KCNIP4: variants seen among roughly 807,000 people sequenced by gnomAD.
The protein encoded by KCNIP4 is Kv channel-interacting protein 4.
A neutral mutation model predicts 34.0 loss-of-function variants in KCNIP4; 12 were observed. That is an observed-to-expected ratio of 0.35 (90% CI 0.23 to 0.57). The LOEUF (loss-of-function observed/expected upper bound fraction) is 0.57. Among genes scored for constraint, KCNIP4 ranks in the 20% least tolerant of loss-of-function variants. KCNIP4 has a pLI of 0.83. For missense variants in KCNIP4, 238 were observed against 311.7 expected (o/e 0.76, Z 1.78); for synonymous variants, 124 against 102.2 (o/e 1.21, Z -1.29).
At chr4:21,190,872 T>C (rs1755594185) in intron 1 of KCNIP4, among the ~76,000 whole-genome samples, 1 of 152,180 alleles carries the variant, frequency 6.6e-6, no homozygotes, top group African/African-American at 2.4e-5. Context: ...CTTTTATTTC[T>C]GAGTTTCAAA....
intron 3 of KCNIP4, among the ~76,000 whole-genome samples, chr4:20,833,808 C>A (rs1718720569): frequency 6.6e-6 from 1 of 152,144 alleles, no homozygotes. Context: ...ATTTTAGACT[C>A]CGTGCTCATT....
At chr4:21,215,123 A>G (rs1194464879) in intron 1 of KCNIP4, among the ~76,000 whole-genome samples, 1 of 152,274 alleles carries the variant, frequency 6.6e-6, no homozygotes, top group Middle Eastern at 3.4e-3. Flanking sequence ...TGATAACAGG[A>G]TATATTATCC....
intron 1 of KCNIP4, among the ~76,000 whole-genome samples, chr4:20,961,403 A>G (rs917092489): frequency 6.6e-6 from 1 of 152,160 alleles, no homozygotes; most frequent in African/African-American, 2.4e-5. Context: ...AGTTTAAAAG[A>G]ATCTTATGGT....
intron 1 of KCNIP4, among the ~76,000 whole-genome samples, chr4:21,348,773 T>C (rs1002900096): frequency 2.0e-5 from 3 of 152,154 alleles, no homozygotes; most frequent in African/African-American, 7.2e-5. Context: ...GCAACAATCC[T>C]AGAGACTTTT....
chr4:21,801,756 G>A (rs538150721), intron 1 of KCNIP4, among the ~76,000 whole-genome samples: 35 of 151,962 alleles, frequency 2.3e-4, no homozygotes, highest in Non-Finnish European at 3.4e-4. Flanking sequence ...CTACCAGCGC[G>A]TGCCACCATG....
chr4:21,597,104 C>T (rs1448873444), intron 1 of KCNIP4, among the ~76,000 whole-genome samples: 7 of 152,010 alleles, frequency 4.6e-5, no homozygotes, highest in Non-Finnish European at 1.5e-5. Context: ...GCTGTGTCCC[C>T]ACTCAAATCT....
At chr4:21,869,717 G>A (rs993272415) in intron 1 of KCNIP4, among the ~76,000 whole-genome samples, 1 of 150,492 alleles carries the variant, frequency 6.6e-6, no homozygotes, top group African/African-American at 2.5e-5. Flanking sequence ...CCGCCACATA[G>A]AGAGATAAGG....
At chr4:21,717,970 T>C (rs2109090023) in intron 1 of KCNIP4, among the ~76,000 whole-genome samples, 1 of 152,346 alleles carries the variant, frequency 6.6e-6, no homozygotes. Context: ...TCTGAATCTG[T>C]TCATTTCATG....
At chr4:21,946,235 T>A (rs1730505286) in intron 1 of KCNIP4, among the ~76,000 whole-genome samples, 1 of 151,944 alleles carries the variant, frequency 6.6e-6, no homozygotes, top group African/African-American at 2.4e-5. Context: ...GCACACAGAC[T>A]CACACTTCTC....
intron 1 of KCNIP4, among the ~76,000 whole-genome samples, chr4:21,519,757 A>ATGATACACACGTGTGTG (rs1560481180): frequency 1.6e-5 from 2 of 123,990 alleles, no homozygotes; most frequent in Non-Finnish European, 3.2e-5. Flanking sequence ...ACGTGTGTGT[A>ATGATACACACGTGTGTG]TGTATGTGTG....
chr4:21,296,408 C>T (rs903430150), intron 1 of KCNIP4, among the ~76,000 whole-genome samples: 1 of 144,956 alleles, frequency 6.9e-6, no homozygotes, highest in Non-Finnish European at 1.5e-5. Context: ...CTCTCTCTCT[C>T]TTTTTTTTTT....
chr4:21,289,215 G>T lies in KCNIP4; in HGVS notation c.62-406506C>A, dbSNP rs755385889. On this transcript the variant is annotated intron_variant, in intron 1 of 8. Coordinates refer to ENST00000382152, the MANE Select transcript of KCNIP4 (RefSeq NM_025221.6). ...TATATTTATTTGATATTTTGATACA[G>T]GCATATAATGTGTAATGATTCAATC... 1.6e-4 allele frequency among the ~76,000 whole-genome samples: 25 copies of T among 152,116 alleles called. 1 individual carries two copies. Among genetic ancestry groups the T allele is most frequent in the Non-Finnish European group, 5.9e-5 (4 of 68,016 alleles).
chr4:21,525,992 A>AT (rs561272334), intron 1 of KCNIP4, among the ~76,000 whole-genome samples: 1 of 151,966 alleles, frequency 6.6e-6, no homozygotes, highest in Non-Finnish European at 1.5e-5. Flanking sequence ...ACATTATCCA[A>AT]TTTTTTTTAA....
intron 1 of KCNIP4, among the ~76,000 whole-genome samples, chr4:21,590,831 CCTCT>C (rs1271961952): frequency 6.6e-6 from 1 of 151,654 alleles, no homozygotes; most frequent in African/African-American, 2.4e-5. Context: ...CAAAACTGAT[CCTCT>C]CTCTCTCTTA....
chr4:21,199,903 A>G (rs1182326732), intron 1 of KCNIP4, among the ~76,000 whole-genome samples: 1 of 152,144 alleles, frequency 6.6e-6, no homozygotes, highest in African/African-American at 2.4e-5. Flanking sequence ...GACATGGATG[A>G]AGCTGGAAAC....
intron 1 of KCNIP4, among the ~76,000 whole-genome samples, chr4:21,641,703 T>A (rs553188703): frequency 6.6e-6 from 1 of 152,290 alleles, no homozygotes; most frequent in African/African-American, 2.4e-5. Flanking sequence ...TAGGATGGCA[T>A]GTTCTGTGGA....
chr4:21,935,276 C>G (rs1264783537), intron 1 of KCNIP4, among the ~76,000 whole-genome samples: 1 of 152,072 alleles, frequency 6.6e-6, no homozygotes, highest in Non-Finnish European at 1.5e-5. Flanking sequence ...TGGAAACTCT[C>G]CCTTCTTTAA....
chr4:21,000,073 C>T (rs983452270), intron 1 of KCNIP4, among the ~76,000 whole-genome samples: 6 of 152,106 alleles, frequency 3.9e-5, no homozygotes, highest in African/African-American at 1.4e-4. Flanking sequence ...GCAGTGTAGA[C>T]CCTTCCTACG....
intron 1 of KCNIP4, among the ~76,000 whole-genome samples, chr4:21,618,054 A>G (rs1744723066): frequency 6.6e-6 from 1 of 152,210 alleles, no homozygotes; most frequent in Non-Finnish European, 1.5e-5. Context: ...TAGGTTGTAT[A>G]CCACTGATGG....
Sources: gnomAD v4.1 joint callset for allele counts (sites outside exome capture counted in the v4.1 genomes callset) on GRCh38, gnomAD v4.1.1 for gene constraint, MANE v1.5 for transcripts, NCBI Gene and HGNC (gene_info 2026-07-23, HGNC 2026-07-21) for gene names.